PCSK5: variants seen among roughly 807,000 people sequenced by gnomAD.
PCSK5 encodes the protein proprotein convertase subtilisin/kexin type 5.
A neutral mutation model predicts 233.2 loss-of-function variants in PCSK5; 129 were observed. The ratio of observed to expected loss-of-function variants is 0.55; its 90% CI spans 0.48 to 0.64. PCSK5 has a LOEUF of 0.64. Among genes scored for constraint, PCSK5 ranks in the 30% least tolerant of loss-of-function variants. The pLI is 0.00. For synonymous variants in PCSK5, 825 were observed against 879.2 expected (o/e 0.94, Z 1.09); for missense variants, 2,076 against 2,430.1 (o/e 0.85, Z 3.06).
intron 20 of PCSK5, among the ~76,000 whole-genome samples, chr9:76,196,653 T>C (rs1271902284): frequency 6.6e-6 from 1 of 152,184 alleles, no homozygotes; most frequent in East Asian, 1.9e-4. Context: ...AGTCCCATTA[T>C]AGGGATGGAG....
At chr9:75,906,438 G>A (rs1826268582) in intron 1 of PCSK5, among the ~76,000 whole-genome samples, 1 of 152,114 alleles carries the variant, frequency 6.6e-6, no homozygotes, top group South Asian at 2.1e-4. Context: ...TGTTGGTCAG[G>A]CTGGTCTCGA....
At chr9:76,245,298 T>C (rs1826555133) in intron 24 of PCSK5, among the ~76,000 whole-genome samples, 1 of 152,138 alleles carries the variant, frequency 6.6e-6, no homozygotes, top group South Asian at 2.1e-4. Context: ...GAAATGGCTG[T>C]CTCCACTCTT....
chr9:76,126,036 A>G (rs1832836687), intron 9 of PCSK5, among the ~76,000 whole-genome samples: 2 of 152,210 alleles, frequency 1.3e-5, no homozygotes, highest in African/African-American at 2.4e-5. Context: ...ATCCCAAGAT[A>G]TATAATAGAG....
At position 76,046,322 on chromosome 9, in the gene PCSK5, C is replaced by T. The variant is rs556078131; in HGVS notation, c.632+19285C>T. On this transcript the variant is annotated intron_variant, in intron 5 of 37. Transcript: ENST00000674117. Reference sequence around the variant, plus strand: ...CCTCCCAAGTAGCTGGGATTACAGGCGCGCGCCGCTATGCCCAGCTAATTT... The same window carrying T: ...CCTCCCAAGTAGCTGGGATTACAGGTGCGCGCCGCTATGCCCAGCTAATTT... Among the ~76,000 whole-genome samples, 108 of 150,368 alleles carry T rather than the reference C, an allele frequency of 7.2e-4. 1 individual carries two copies. The South Asian group carries it at 9.2e-3, about 13-fold the overall frequency.
At chr9:76,275,062 A>G (rs1254164915) in intron 24 of PCSK5, among the ~76,000 whole-genome samples, 6 of 151,858 alleles carry the variant, frequency 4.0e-5, no homozygotes, top group Non-Finnish European at 1.5e-5. Flanking sequence ...TGACCCAAAC[A>G]CCTCTCATTA....
chr9:75,928,763 C>T (rs1330490067), intron 1 of PCSK5, among the ~76,000 whole-genome samples: 1 of 150,912 alleles, frequency 6.6e-6, no homozygotes, highest in Admixed American at 6.6e-5. Context: ...ATGTCTCAAC[C>T]CACAACTTTC....
chr9:76,129,291 A>G (rs1031897725), intron 9 of PCSK5, among the ~76,000 whole-genome samples: 6 of 152,150 alleles, frequency 3.9e-5, no homozygotes, highest in Non-Finnish European at 7.4e-5. Flanking sequence ...GAAGGAGACT[A>G]GTTTCATCTT....
At chr9:75,940,708 G>T (rs62555896) in intron 2 of PCSK5, among the ~76,000 whole-genome samples, 11,549 of 152,242 alleles carry the variant, frequency 0.076, 574 homozygotes, top group Non-Finnish European at 0.1. Flanking sequence ...TGGAGAGGTT[G>T]TGCGCATCTA....
At chr9:75,942,128 C>T (rs886331686) in intron 2 of PCSK5, among the ~76,000 whole-genome samples, 15 of 152,180 alleles carry the variant, frequency 9.9e-5, no homozygotes, top group Non-Finnish European at 1.3e-4. Context: ...CAAAGCGTAG[C>T]GCACTCGTTG....
chr9:76,148,362 C>T (rs77194745), intron 10 of PCSK5, among the ~76,000 whole-genome samples: 5 of 132,408 alleles, frequency 3.8e-5, no homozygotes, highest in African/African-American at 1.4e-4. Flanking sequence ...CCTCTCTCTC[C>T]CTCTCTCTCC....
At chr9:76,193,139 AAT>A in intron 20 of PCSK5, 1 of 1,053,788 alleles carries the variant, frequency 9.5e-7, no homozygotes, top group Non-Finnish European at 1.4e-6. Flanking sequence ...CAATTCCCCA[AAT>A]CTGCCTCTCT....
intron 30 of PCSK5, among the ~76,000 whole-genome samples, chr9:76,313,616 T>C (rs1310096661): frequency 1.3e-5 from 2 of 152,186 alleles, no homozygotes; most frequent in Non-Finnish European, 2.9e-5. Context: ...GAGAATTGCT[T>C]GAGCCCAGGA....
chr9:76,339,007 G>T (rs908156968), intron 35 of PCSK5, among the ~76,000 whole-genome samples: 9 of 151,436 alleles, frequency 5.9e-5, no homozygotes, highest in African/African-American at 2.2e-4. Context: ...GTTATCTAAT[G>T]AGATCTTTTT....
At chr9:75,893,085 T>G (rs1587319690) in intron 1 of PCSK5, among the ~76,000 whole-genome samples, 1 of 122,830 alleles carries the variant, frequency 8.1e-6, no homozygotes, top group East Asian at 2.2e-4. Flanking sequence ...GGAATGGAAC[T>G]GGGGAGGCTA....
intron 35 of PCSK5, among the ~76,000 whole-genome samples, chr9:76,338,980 G>T (rs1488090244): frequency 1.3e-5 from 2 of 151,366 alleles, no homozygotes; most frequent in African/African-American, 4.9e-5. Flanking sequence ...AGATCTGTTG[G>T]TACTCTTTCC....
chr9:76,351,420 C>T lies in PCSK5; in HGVS notation c.5067+492C>T, dbSNP rs528525893. On this transcript the variant is annotated intron_variant, in intron 36 of 37. Coordinates refer to ENST00000674117, the MANE Select transcript of PCSK5 (RefSeq NM_001372043.1). ...TAGAATTTCTGGTTTCTACCAGAAA[C>T]CGCCCCCCCCTGCAATGTGAAAGAA... Among the ~76,000 whole-genome samples the T allele has an allele frequency of 3.8e-3, 364 of 97,064 alleles. 16 individuals are homozygous for T. Among genetic ancestry groups the T allele is most frequent in the Non-Finnish European group, 5.5e-3 (238 of 42,986 alleles). The allele number at this position is 97,064 out of a possible 152,430, so 63.7% of individuals were successfully genotyped here. A position where few individuals can be genotyped will look rare whatever the true frequency, so the allele number is the denominator to read the frequency against.
At position 76,240,658 on chromosome 9, in the gene PCSK5, A is replaced by T. The variant is rs1242462669; in HGVS notation, c.3116A>T (p.Glu1039Val). The change falls in exon 24 of 38, where the codon GAA (glutamate) becomes GTA (valine). Residue 1039 changes from glutamate (E) to valine (V), a missense_variant. By Grantham distance (121) the Glu-to-Val change is moderately radical. Coordinates refer to ENST00000674117, the MANE Select transcript of PCSK5 (RefSeq NM_001372043.1). The part of the protein sequence containing the change: ...DPDYEECVPC[E>V]EGCLGCSLDD... ...GACTATGAAGAATGTGTCCCTTGTG[A>T]AGAAGGATGTCTGGGATGCAGCTTG... 6.3e-7 allele frequency: 1 copy of T among 1,582,948 alleles called. No homozygotes were observed. Among genetic ancestry groups the T allele is most frequent in the Admixed American group, 1.8e-5 (1 of 55,752 alleles).
intron 20 of PCSK5, chr9:76,194,548 A>AACTC (rs3842218): frequency 4.5e-6 from 1 of 220,378 alleles, no homozygotes; most frequent in Non-Finnish European, 9.4e-6. Flanking sequence ...CTCTATAACT[A>AACTC]TGCCATACTA....
chr9:75,969,582 C>T (rs1296202673), intron 2 of PCSK5, among the ~76,000 whole-genome samples: 1 of 152,178 alleles, frequency 6.6e-6, no homozygotes, highest in Non-Finnish European at 1.5e-5. Context: ...CCTTCAGTAT[C>T]ATTCTCTGGT....
Sources: allele counts gnomAD v4.1 joint callset (sites outside exome capture counted in the v4.1 genomes callset), GRCh38; gene constraint gnomAD v4.1.1; transcripts MANE v1.5; gene names NCBI Gene and HGNC (gene_info 2026-07-23, HGNC 2026-07-21).